Variants in SLC7A8 observed in about 807,000 individuals in gnomAD.
The protein encoded by SLC7A8 is solute carrier family 7 member 8.
A neutral mutation model predicts 51.2 loss-of-function variants in SLC7A8; 30 were observed. That is an observed-to-expected ratio of 0.59 (90% confidence interval 0.44 to 0.80). SLC7A8 has a LOEUF of 0.80. Ranked by LOEUF, SLC7A8 falls within the 30% of genes least tolerant of loss-of-function variation. The probability of loss-of-function intolerance (pLI) is 0.00; values close to 1 mark genes in which losing one functional copy is unlikely to be tolerated. For synonymous variants in SLC7A8, 257 were observed against 275.8 expected (o/e 0.93, Z 0.67); for missense variants, 612 against 674.4 (o/e 0.91, Z 1.03).
At chr14:23,174,904 A>G (rs6573011) in intron 1 of SLC7A8, among the ~76,000 whole-genome samples, 55,822 of 152,004 alleles carry the variant, frequency 0.37, 13,981 homozygotes, top group African/African-American at 0.72. Flanking sequence ...AATGGCTCTT[A>G]TTTTCTGTAG....
At chr14:23,166,812 A>G (rs1311876558) in intron 1 of SLC7A8, among the ~76,000 whole-genome samples, 1 of 152,204 alleles carries the variant, frequency 6.6e-6, no homozygotes, top group African/African-American at 2.4e-5. Flanking sequence ...GATATTTCTC[A>G]CATTTTACAG....
intron 3 of SLC7A8, among the ~76,000 whole-genome samples, chr14:23,149,019 T>C (rs2048822769): frequency 6.6e-6 from 1 of 151,766 alleles, no homozygotes; most frequent in African/African-American, 2.4e-5. Flanking sequence ...CCCAAAAGAG[T>C]GTCTGTCCAC....
At chr14:23,129,531 G>T in intron 9 of SLC7A8, 119 bp downstream of exon 9, 1 of 1,213,490 alleles carries the variant, frequency 8.2e-7, no homozygotes, top group South Asian at 1.5e-5. Flanking sequence ...CAAAGGGTCT[G>T]CTACCATCAG....
intron 3 of SLC7A8, among the ~76,000 whole-genome samples, chr14:23,152,214 C>T (rs1460656258): frequency 1.3e-5 from 2 of 152,168 alleles, no homozygotes; most frequent in African/African-American, 4.8e-5. Flanking sequence ...ACTACAATCT[C>T]TGCCTCCTGG....
chr14:23,153,240 A>T (rs1206044515), intron 3 of SLC7A8, among the ~76,000 whole-genome samples: 1 of 152,164 alleles, frequency 6.6e-6, no homozygotes, highest in Non-Finnish European at 1.5e-5. Flanking sequence ...GGCTTCCCAA[A>T]GTGCTAGGAT....
intron 7 of SLC7A8, among the ~76,000 whole-genome samples, chr14:23,132,209 G>C (rs1270629155): frequency 6.6e-6 from 1 of 151,844 alleles, no homozygotes; most frequent in African/African-American, 2.4e-5. Flanking sequence ...TCACCATCTT[G>C]GCCAGGCTGG....
intron 3 of SLC7A8, among the ~76,000 whole-genome samples, chr14:23,159,682 G>A (rs931497841): frequency 5.3e-5 from 8 of 152,224 alleles, no homozygotes; most frequent in Non-Finnish European, 1.2e-4. Flanking sequence ...CAAGAGACTT[G>A]CAAAACAACT....
intron 1 of SLC7A8, among the ~76,000 whole-genome samples, chr14:23,169,912 A>G (rs1046660964): frequency 3.3e-5 from 5 of 152,192 alleles, no homozygotes; most frequent in African/African-American, 1.2e-4. Flanking sequence ...CTTTTCCCTG[A>G]TAATAAAAGG....
chr14:23,150,086 G>A (rs1052018217), intron 3 of SLC7A8, among the ~76,000 whole-genome samples: 2 of 152,146 alleles, frequency 1.3e-5, no homozygotes, highest in African/African-American at 4.8e-5. Flanking sequence ...TAGATTATAG[G>A]TAAAAGAGAC....
In SLC7A8 at chr14:23,174,342, C is replaced by G. The variant is rs541309717; in HGVS notation, c.152-7802G>C. Among the ~76,000 whole-genome samples, 15 of 152,386 alleles carry G rather than the reference C, an allele frequency of 9.8e-5. No homozygotes were observed. The East Asian group carries it at 2.1e-3, about 22-fold the overall frequency. ...GTAATAATTCTGCAGCAGTGGTACT[C>G]TTTCTGAGTAATCTGCTTTTGCAAT... On this transcript the variant is annotated intron_variant, in intron 1 of 10. Coordinates refer to ENST00000316902, the MANE Select transcript of SLC7A8 (RefSeq NM_012244.4).
At chr14:23,137,600 C>A (rs2048702345) in intron 7 of SLC7A8, among the ~76,000 whole-genome samples, 1 of 152,212 alleles carries the variant, frequency 6.6e-6, no homozygotes, top group Non-Finnish European at 1.5e-5. Flanking sequence ...TGCTGCCAAC[C>A]ACAGCCACTG....
At chr14:23,133,802 T>TGACA (rs1167889208) in intron 7 of SLC7A8, among the ~76,000 whole-genome samples, 1 of 151,930 alleles carries the variant, frequency 6.6e-6, no homozygotes, top group Non-Finnish European at 1.5e-5. Flanking sequence ...CCAACCTGGA[T>TGACA]GACAGAGTGA....
At chr14:23,163,354 A>G (rs1270962769) in intron 3 of SLC7A8, among the ~76,000 whole-genome samples, 1 of 152,200 alleles carries the variant, frequency 6.6e-6, no homozygotes, top group East Asian at 1.9e-4. Context: ...CTGGAGATGC[A>G]GGCGCAGGCA....
intron 3 of SLC7A8, among the ~76,000 whole-genome samples, chr14:23,148,610 G>A (rs767422354): frequency 2.0e-5 from 3 of 152,192 alleles, no homozygotes; most frequent in Non-Finnish European, 4.4e-5. Context: ...TCAAGAGGGA[G>A]GCAAGAAGGT....
chr14:23,181,909 A>G (rs1877199166), intron 1 of SLC7A8, among the ~76,000 whole-genome samples: 1 of 152,244 alleles, frequency 6.6e-6, no homozygotes, highest in African/African-American at 2.4e-5. Flanking sequence ...CCTGCCCTGC[A>G]AAGTACATTC....
chr14:23,180,185 T>G (rs8017084), intron 1 of SLC7A8, among the ~76,000 whole-genome samples: 4 of 152,012 alleles, frequency 2.6e-5, no homozygotes, highest in Non-Finnish European at 4.4e-5. Flanking sequence ...GGATTACAGG[T>G]GTGAGCCACC....
Position 23,166,350 on chromosome 14 carries a change from G to A in SLC7A8, c.342C>T (p.Phe114=), listed in dbSNP as rs753971755. ...GATCCTCTTACCCAGCCAGTCCTCC[G>A]AAGATGTCCTTGACATAGGAGTAGT... The part of the protein sequence containing the change: ...GGDYSYVKDI[F]GGLAGFLRLW... Residue 114 remains phenylalanine (F), a synonymous_variant, in exon 2 of 11, where the codon TTC becomes TTT. Transcript: ENST00000316902. 18 of 1,613,718 alleles carry A rather than the reference G, an allele frequency of 1.1e-5. No individual in the cohort carries two copies. The highest frequency in any genetic ancestry group is 5.5e-5 in the South Asian group (5 of 91,072).
Position 23,155,408 on chromosome 14 carries a change from T to C in SLC7A8, c.508+9877A>G. ...TCTCTCTTCCCCTTCCTTCTTATCC[T>C]GTTAGCTCCTGCGCCAGCTGCTGGA... is the stretch of plus-strand genomic sequence containing the variant. On this transcript the variant is annotated intron_variant, in intron 3 of 10. Transcript: ENST00000316902. The C allele has an allele frequency of 2.1e-6, 3 of 1,455,480 alleles. No homozygotes were observed. The South Asian group carries it at 4.2e-5, about 20-fold the overall frequency. 90.2% of individuals were successfully genotyped at this position (1,455,480 alleles called of 1,614,324 possible). A position where few individuals can be genotyped will look rare whatever the true frequency, so the allele number is the denominator to read the frequency against.
intron 3 of SLC7A8, chr14:23,155,491 C>A: frequency 7.1e-7 from 1 of 1,402,056 alleles, no homozygotes; most frequent in Non-Finnish European, 9.2e-7. Context: ...GGCAGGAATA[C>A]CCAGCTCAGC....
Sources: allele counts gnomAD v4.1 joint callset (sites outside exome capture counted in the v4.1 genomes callset), GRCh38; gene constraint gnomAD v4.1.1; transcripts MANE v1.5; gene names NCBI Gene and HGNC (gene_info 2026-07-23, HGNC 2026-07-21).